The following BLM variants were observed in gnomAD, a reference collection of about 807,000 sequenced individuals.
BLM encodes recQ-like DNA helicase BLM.
In BLM, 95 loss-of-function variants were observed where a neutral mutation model predicts 135.3. The observed-to-expected ratio is 0.70, with a 90% CI of 0.59 to 0.83. The LOEUF is 0.83. BLM is among the 40% of genes least tolerant of loss of function. The pLI, the probability that BLM is intolerant of heterozygous loss-of-function variation, is 0.00. For synonymous variants in BLM, 520 were observed against 589.2 expected (o/e 0.88, Z 1.70); for missense variants, 1,518 against 1,663.9 (o/e 0.91, Z 1.53).
At chr15:90,808,475 C>T (rs574948582) in intron 19 of BLM, among the ~76,000 whole-genome samples, 3 of 152,340 alleles carry the variant, frequency 2.0e-5, no homozygotes, top group East Asian at 1.9e-4. Flanking sequence ...CTCACTCGCT[C>T]CTGCAATGGC....
intron 10 of BLM, among the ~76,000 whole-genome samples, chr15:90,767,730 A>G (rs1896173703): frequency 6.6e-6 from 1 of 151,916 alleles, no homozygotes; most frequent in Non-Finnish European, 1.5e-5. Context: ...AAAGTTACTC[A>G]TTTCTTTTTG....
intron 1 of BLM, among the ~76,000 whole-genome samples, chr15:90,731,146 GC>G (rs905358270): frequency 6.6e-6 from 1 of 152,026 alleles, no homozygotes; most frequent in African/African-American, 2.4e-5. Context: ...TAATCACACT[GC>G]CCAGGCTGGT....
rs114845530 is a variant in BLM at position 90,750,941 on chromosome 15, T to C, written c.800-846T>C. Among the ~76,000 whole-genome samples, 770 of 152,334 alleles carry C rather than the reference T, an allele frequency of 5.1e-3. 8 individuals carry two copies. The highest frequency in any genetic ancestry group is 0.018 in the African/African-American group (746 of 41,584). On this transcript the variant is annotated intron_variant, in intron 3 of 21. Transcript: ENST00000355112. ...AAGGGGGTTGCTGCCGTAAGATCCATAGAGGTTAAAATGGTGGTTAGTGGT... is the reference window on the plus strand; with the variant it reads ...AAGGGGGTTGCTGCCGTAAGATCCACAGAGGTTAAAATGGTGGTTAGTGGT...
intron 1 of BLM, among the ~76,000 whole-genome samples, chr15:90,734,696 CAG>C (rs60051515): frequency 0.39 from 56,553 of 145,744 alleles, 10,828 homozygotes; most frequent in South Asian, 0.53. Context: ...CACACACACG[CAG>C]AGAGAGAGAG....
intron 16 of BLM, among the ~76,000 whole-genome samples, chr15:90,797,414 C>CAAAAAAAAAAA (rs56369282): frequency 2.4e-4 from 26 of 109,584 alleles, no homozygotes; most frequent in African/African-American, 4.3e-4. Context: ...AACTCCATCT[C>CAAAAAAAAAAA]AAAAAAAAAA....
intron 14 of BLM, among the ~76,000 whole-genome samples, chr15:90,787,781 C>A (rs901383793): frequency 6.6e-6 from 1 of 151,980 alleles, no homozygotes; most frequent in Non-Finnish European, 1.5e-5. Context: ...GAAACCCTGT[C>A]TCTACTAAAA....
intron 2 of BLM, 66 bp downstream of exon 2, chr15:90,747,556 C>T: frequency 9.8e-7 from 1 of 1,019,272 alleles, no homozygotes; most frequent in Non-Finnish European, 1.5e-6. Context: ...CATGAGATAT[C>T]TTCTCTTTAA....
At position 90,815,553 on chromosome 15, in the gene BLM, A is replaced by G. The variant is rs1371542361; in HGVS notation, c.*274A>G. On this transcript the variant is annotated 3_prime_UTR_variant, in exon 22 of 22. Coordinates refer to ENST00000355112, the MANE Select transcript of BLM (RefSeq NM_000057.4). This position sits in a 1 kb window ranked among gnomAD's most constrained non-coding sequence, Gnocchi z 4.6. ...CATCTCAGTGCAAGAGCTTCTGAGC[A>G]TAACACGAAACCCAGAAGCCAAAGG... 8 of 453,686 alleles carry G rather than the reference A, an allele frequency of 1.8e-5. No homozygotes were observed. Among genetic ancestry groups the G allele is most frequent in the Non-Finnish European group, 3.1e-5 (8 of 254,198 alleles). The allele number at this position is 453,686 out of a possible 1,614,324, so 28.1% of individuals were successfully genotyped here. A position where few individuals can be genotyped will look rare whatever the true frequency, so the allele number is the denominator to read the frequency against.
At chr15:90,766,443 G>GTTTTA (rs1365911602) in intron 9 of BLM, among the ~76,000 whole-genome samples, 1 of 152,004 alleles carries the variant, frequency 6.6e-6, no homozygotes, top group Non-Finnish European at 1.5e-5. Context: ...GTTTTGTTTT[G>GTTTTA]TTTTAAGACA....
At chr15:90,792,061 A>G (rs931253633) in intron 15 of BLM, among the ~76,000 whole-genome samples, 1 of 150,448 alleles carries the variant, frequency 6.6e-6, no homozygotes, top group African/African-American at 2.4e-5. Flanking sequence ...TTTCCTAAAT[A>G]TATGTATTTC....
intron 1 of BLM, among the ~76,000 whole-genome samples, chr15:90,725,272 C>T (rs996530940): frequency 6.6e-6 from 1 of 152,052 alleles, no homozygotes; most frequent in African/African-American, 2.4e-5. Context: ...TATGTTTTAC[C>T]TTACTATGTA....
At chr15:90,785,229 A>G (rs911505889) in intron 14 of BLM, 148 bp downstream of exon 14, 4 of 945,392 alleles carry the variant, frequency 4.2e-6, no homozygotes, top group Non-Finnish European at 6.3e-6. Context: ...TTTCTTTGAG[A>G]CTTCTAAAGT....
intron 1 of BLM, among the ~76,000 whole-genome samples, chr15:90,719,995 A>C (rs1313082386): frequency 2.0e-5 from 3 of 152,310 alleles, no homozygotes; most frequent in African/African-American, 4.8e-5. Context: ...TCACAACCTC[A>C]GTCCTGTCTG....
intron 17 of BLM, among the ~76,000 whole-genome samples, chr15:90,799,422 A>C (rs1178430034): frequency 6.6e-6 from 1 of 151,974 alleles, no homozygotes; most frequent in Non-Finnish European, 1.5e-5. Flanking sequence ...AAGTCAAGAA[A>C]ATTTAGGAAC....
In BLM at chr15:90,749,631, T is replaced by C; in HGVS notation, c.363T>C (p.Thr121=). 1.2e-6 allele frequency: 2 copies of C among 1,614,198 alleles called. No individual in the cohort carries two copies. The highest frequency in any genetic ancestry group is 1.7e-6 in the Non-Finnish European group (2 of 1,180,034). ...FLQTPKEVVC[T]TQNTPTVKKS... The stretch of plus-strand genomic sequence containing the variant: ...AGACTCCGAAGGAAGTTGTATGCAC[T>C]ACCCAAAACACACCAACTGTAAAGA... The change falls in exon 3 of 22, where the codon ACT becomes ACC. Residue 121 remains threonine, a synonymous_variant. Transcript: ENST00000355112.
At chr15:90,736,501 A>G (rs1447143242) in intron 1 of BLM, among the ~76,000 whole-genome samples, 1 of 152,152 alleles carries the variant, frequency 6.6e-6, no homozygotes, top group Non-Finnish European at 1.5e-5. Context: ...GACTCAAGCA[A>G]TCCTGTCTCT....
intron 1 of BLM, among the ~76,000 whole-genome samples, chr15:90,732,363 T>A (rs1479913365): frequency 6.6e-6 from 1 of 151,992 alleles, no homozygotes; most frequent in East Asian, 1.9e-4. Context: ...ATAAAAATAG[T>A]TCATATATTA....
At chr15:90,736,434 AT>A (rs1427260210) in intron 1 of BLM, among the ~76,000 whole-genome samples, 1 of 151,726 alleles carries the variant, frequency 6.6e-6, no homozygotes, top group Non-Finnish European at 1.5e-5. Context: ...TAATTTAAAA[AT>A]TTTTTTTATA....
intron 16 of BLM, among the ~76,000 whole-genome samples, chr15:90,797,938 A>C (rs891392951): frequency 6.6e-6 from 1 of 152,138 alleles, no homozygotes; most frequent in Admixed American, 6.5e-5. Flanking sequence ...TGTGTTATAT[A>C]TGTGTTTCTA....
Sources: gnomAD v4.1 joint callset for allele counts (sites outside exome capture counted in the v4.1 genomes callset) on GRCh38, gnomAD v4.1.1 for gene constraint, Gnocchi (gnomAD v3.1) non-coding constraint, MANE v1.5 for transcripts, NCBI Gene and HGNC (gene_info 2026-07-23, HGNC 2026-07-21) for gene names.